DIXDC1: variants seen among roughly 807,000 people sequenced by gnomAD.
DIXDC1 encodes dixin.
DIXDC1 carries 64 observed loss-of-function variants against 103.1 expected under a neutral mutation model. The ratio of observed to expected loss-of-function variants is 0.62; its 90% CI spans 0.51 to 0.76. The LOEUF (loss-of-function observed/expected upper bound fraction) is 0.76, where lower values mean the gene tolerates loss of function less well. DIXDC1 is among the 30% of genes least tolerant of loss of function. The pLI is 0.00. For synonymous variants in DIXDC1, 266 were observed against 298.5 expected, an observed-to-expected ratio of 0.89 and a Z score of 1.12; for missense variants, 759 against 834.2, an observed-to-expected ratio of 0.91 and a Z score of 1.11.
intron 18 of DIXDC1, 108 bp downstream of exon 18, chr11:112,016,904 G>C: frequency 1.1e-6 from 1 of 900,162 alleles, no homozygotes. Context: ...AAGCAGTATA[G>C]TGAGATCTCA....
intron 9 of DIXDC1, among the ~76,000 whole-genome samples, chr11:111,987,617 T>G (rs1860537287): frequency 6.6e-6 from 1 of 151,928 alleles, no homozygotes; most frequent in South Asian, 2.1e-4. Context: ...ACCCTCTCCC[T>G]AGAAGTATGC....
chr11:111,989,099 T>C (rs1860604388), intron 10 of DIXDC1, 44 bp downstream of exon 10: 10 of 1,515,352 alleles, frequency 6.6e-6, no homozygotes, highest in Non-Finnish European at 8.9e-6. Flanking sequence ...GTCTCTGCAA[T>C]GTAAAGTAGT....
chr11:111,938,619 A>G (rs1287385319), intron 1 of DIXDC1, among the ~76,000 whole-genome samples: 2 of 152,158 alleles, frequency 1.3e-5, no homozygotes, highest in East Asian at 1.9e-4. Flanking sequence ...AGAAATAACC[A>G]TTCTCATGAA....
intron 16 of DIXDC1, among the ~76,000 whole-genome samples, 186 bp downstream of exon 16, chr11:111,995,750 G>A (rs1459735422): frequency 6.6e-6 from 1 of 151,506 alleles, no homozygotes; most frequent in Admixed American, 6.6e-5. Flanking sequence ...ATCCAGAGAA[G>A]AAGTTCATGG....
At chr11:111,989,102 A>G (rs781988958) in intron 10 of DIXDC1, 47 bp downstream of exon 10, 2 of 1,507,294 alleles carry the variant, frequency 1.3e-6, no homozygotes, top group Non-Finnish European at 1.8e-6. Context: ...TCTGCAATGT[A>G]AAGTAGTCTG....
At chr11:111,929,349 G>A (rs1374385492) in intron 1 of DIXDC1, among the ~76,000 whole-genome samples, 1 of 152,106 alleles carries the variant, frequency 6.6e-6, no homozygotes, top group Non-Finnish European at 1.5e-5. Context: ...AAAATGCATT[G>A]TTGCTTGACT....
At chr11:111,978,408 C>T (rs1860189131) in intron 5 of DIXDC1, among the ~76,000 whole-genome samples, 1 of 152,028 alleles carries the variant, frequency 6.6e-6, no homozygotes, top group Admixed American at 6.6e-5. Context: ...CTGACATGTG[C>T]CTCGGGAGTT....
At chr11:111,981,670 G>A (rs1263338336) in intron 6 of DIXDC1, among the ~76,000 whole-genome samples, 4 of 152,120 alleles carry the variant, frequency 2.6e-5, no homozygotes, top group Non-Finnish European at 4.4e-5. Context: ...TATTATATTC[G>A]TCTCTTGAAT....
In DIXDC1 at chr11:111,992,435, G is replaced by T; in HGVS notation, c.1134G>T (p.Leu378Phe). The T allele has an allele frequency of 6.3e-7, 1 of 1,581,336 alleles. No individual in the cohort carries two copies. Among genetic ancestry groups the T allele is most frequent in the South Asian group, 1.2e-5 (1 of 85,856 alleles). The change falls in exon 11 of 20, where the codon TTG becomes TTT. Residue 378 changes from leucine (L) to phenylalanine (F), a missense_variant. Physicochemically the swap from Leu to Phe is conservative, Grantham distance 22. Transcript: ENST00000440460. ...CCTAGGATGCCTTGCAGCAGAGATT[G>T]ACTCAGCAGGACACATCTGTTCTTC... Reference protein sequence around the residue: ...QGIKDALQQRLTQQDTSVLQL... With the variant: ...QGIKDALQQRFTQQDTSVLQL...
chr11:111,973,969 C>T, intron 3 of DIXDC1, 54 bp from the exon 4 acceptor site: 1 of 1,562,492 alleles, frequency 6.4e-7, no homozygotes. Context: ...CAGCTTTTGC[C>T]TCCCTCTTAG....
chr11:112,021,391 C>T lies in DIXDC1; in HGVS notation c.*2355C>T, dbSNP rs1861753417. 6.6e-6 allele frequency: 1 copy of T among 152,182 alleles called. No homozygotes were observed. Among genetic ancestry groups the T allele is most frequent in the East Asian group, 1.9e-4 (1 of 5,194 alleles). The allele number at this position is 152,182 out of a possible 1,614,324, so 9.4% of individuals were successfully genotyped here. On this transcript the variant is annotated 3_prime_UTR_variant, in exon 20 of 20. Coordinates refer to ENST00000440460, the MANE Select transcript of DIXDC1 (RefSeq NM_001037954.4). Reference sequence around the variant, plus strand: ...CTGTTGGTGATCCTCATTCCAGTTTCCAAAGCGAGAGGAGCCTTCTGAGCA... The same window carrying T: ...CTGTTGGTGATCCTCATTCCAGTTTTCAAAGCGAGAGGAGCCTTCTGAGCA...
chr11:112,017,819 T>C lies in DIXDC1; in HGVS notation c.1905T>C (p.Asp635=). 1.2e-6 allele frequency: 2 copies of C among 1,611,890 alleles called. No homozygotes were observed. The highest frequency in any genetic ancestry group is 1.1e-5 in the South Asian group (1 of 90,470). The change falls in exon 19 of 20, where the codon GAT becomes GAC. Residue 635 remains aspartate, a synonymous_variant. Transcript: ENST00000440460. The surrounding 1 kb of genome is among the most constrained non-coding windows in gnomAD (Gnocchi z 4.0). ...VTLKDFKAAI[D]REGNHRYHFK... is the part of the protein sequence containing the mutation. ...TAAAGGATTTTAAAGCAGCTATTGA[T>C]CGGGAAGGAAATCACCGGTATCACT...
chr11:111,973,175 A>G (rs587618933), intron 3 of DIXDC1, among the ~76,000 whole-genome samples: 16 of 152,038 alleles, frequency 1.1e-4, no homozygotes, highest in Admixed American at 7.2e-4. Context: ...GTTCAAGACC[A>G]GCCTGGCCAA....
In DIXDC1 at chr11:111,964,671, G is replaced by C; in HGVS notation, c.183G>C (p.Glu61Asp). ...GGGTGATCCTGGCATATCTCATCGA[G>C]ATTGTTGGTCAGTTGGCCCTGGACT... The part of the protein sequence containing the change: ...RDGVILAYLI[E>D]IVAGEKLSGV... Residue 61 changes from glutamate (E) to aspartate (D), a missense_variant, in exon 2 of 20, where the codon GAG becomes GAC. This residue lies in a region of DIXDC1 where 97 missense variants were observed against 85.4 expected (regional missense o/e 1.14). Transcript: ENST00000440460. 1 of 1,605,712 alleles carries C rather than the reference G, an allele frequency of 6.2e-7. No homozygotes were observed. The highest frequency in any genetic ancestry group is 8.5e-7 in the Non-Finnish European group (1 of 1,176,368).
chr11:111,964,796 A>G, intron 2 of DIXDC1, 118 bp downstream of exon 2: 1 of 1,275,244 alleles, frequency 7.8e-7, no homozygotes, highest in Non-Finnish European at 1.0e-6. Flanking sequence ...CAGTAGAGGT[A>G]GAGAAGACTT....
Position 111,996,045 on chromosome 11 carries a change from A to T in DIXDC1, c.1690-35A>T, listed in dbSNP as rs147772231. The T allele has an allele frequency of 3.4e-4, 541 of 1,606,662 alleles. 3 individuals are homozygous for T. In the African/African-American group the frequency reaches 6.3e-3, roughly 19 times the overall value. ...ATTTCTTGGTTAAGTTCTCTCATTG[A>T]TCATAACTCTTGTGATTTTTGTGTG... is the stretch of plus-strand genomic sequence containing the variant. On this transcript the variant is annotated intron_variant, in intron 16 of 19. Transcript: ENST00000440460.
rs781999798 is a variant in DIXDC1, at chr11:112,017,895, C to T, written c.1971+10C>T. 8 of 1,593,748 alleles carry T rather than the reference C, an allele frequency of 5.0e-6. No homozygotes were observed. In the East Asian group the frequency reaches 1.8e-4, roughly 36 times the overall value. Reference sequence around the variant, plus strand: ...CACTGTCAAAGAGGAGGTAAAGAATCTGTGGGGAGTCTGTATGGTATTATT... The same window carrying T: ...CACTGTCAAAGAGGAGGTAAAGAATTTGTGGGGAGTCTGTATGGTATTATT... On this transcript the variant is annotated intron_variant, in intron 19 of 19. Coordinates refer to ENST00000440460, the MANE Select transcript of DIXDC1 (RefSeq NM_001037954.4). This position sits in a 1 kb window ranked among gnomAD's most constrained non-coding sequence, Gnocchi z 4.0.
intron 14 of DIXDC1, 95 bp from the exon 15 acceptor site, chr11:111,994,921 TTCA>T (rs1391996502): frequency 3.7e-6 from 4 of 1,094,024 alleles, no homozygotes; most frequent in Admixed American, 2.1e-5. Context: ...AATTATATAC[TTCA>T]TCAGGAAGTG....
chr11:111,937,304 G>T, upstream of DIXDC1: 2 of 1,337,400 alleles, frequency 1.5e-6, no homozygotes, highest in Non-Finnish European at 1.9e-6. Flanking sequence ...GGCCCCTCCA[G>T]CGGAGGCCCC....
Sources: allele counts gnomAD v4.1 joint callset (sites outside exome capture counted in the v4.1 genomes callset), GRCh38; gene constraint gnomAD v4.1.1; regional missense constraint gnomAD v4.1.1; non-coding constraint Gnocchi (gnomAD v3.1); transcripts MANE v1.5; gene names NCBI Gene and HGNC (gene_info 2026-07-23, HGNC 2026-07-21).